The following MAST4 variants were observed in gnomAD, a reference collection of about 807,000 sequenced individuals.
MAST4 encodes the protein microtubule associated serine/threonine kinase family member 4, also known as microtubule-associated serine/threonine-protein kinase 4.
Under a neutral mutation model 162.7 loss-of-function variants are expected in MAST4, and 89 were observed. The observed-to-expected ratio is 0.55, with a 90% CI of 0.46 to 0.65. The LOEUF (loss-of-function observed/expected upper bound fraction) is 0.65. Among genes scored for constraint, MAST4 ranks in the 30% least tolerant of loss-of-function variants. The pLI, the probability that MAST4 is intolerant of heterozygous loss-of-function variation, is 0.00. For synonymous variants in MAST4, 1,479 were observed against 1,361.1 expected (o/e 1.09, Z -1.91); for missense variants, 3,153 against 3,374.0 (o/e 0.93, Z 1.62).
intron 2 of MAST4, among the ~76,000 whole-genome samples, chr5:66,784,642 T>C (rs1039823580): frequency 2.0e-5 from 3 of 152,206 alleles, no homozygotes; most frequent in African/African-American, 7.2e-5. Flanking sequence ...TGTTTCAATA[T>C]CTTTCAATAT....
chr5:66,618,255 G>T (rs1413197293), intron 1 of MAST4, among the ~76,000 whole-genome samples: 3 of 152,204 alleles, frequency 2.0e-5, no homozygotes, highest in African/African-American at 7.2e-5. Flanking sequence ...AAGTCTGAGG[G>T]TGCAGGGTAG....
intron 1 of MAST4, among the ~76,000 whole-genome samples, chr5:66,608,064 T>TG (rs1743011795): frequency 7.6e-6 from 1 of 131,886 alleles, no homozygotes; most frequent in Admixed American, 8.2e-5. Context: ...ACTTTTTTTT[T>TG]TTGTTTTTTT....
chr5:66,862,459 A>T (rs115881578), intron 3 of MAST4, among the ~76,000 whole-genome samples: 82 of 152,336 alleles, frequency 5.4e-4, no homozygotes, highest in Middle Eastern at 3.4e-3. Flanking sequence ...CTTATTGTCT[A>T]TGGTAAAATA....
At chr5:66,891,713 C>A (rs1762375570) in intron 3 of MAST4, among the ~76,000 whole-genome samples, 1 of 152,182 alleles carries the variant, frequency 6.6e-6, no homozygotes, top group Non-Finnish European at 1.5e-5. Flanking sequence ...TGGAATTCCC[C>A]TTTCTCACCT....
intron 4 of MAST4, among the ~76,000 whole-genome samples, chr5:66,914,139 C>T (rs78553850): frequency 7.0e-6 from 1 of 142,002 alleles, no homozygotes; most frequent in South Asian, 2.2e-4. Flanking sequence ...TCAGCTTCTA[C>T]AAAAAAAAAA....
At chr5:66,774,994 C>A (rs917562568) in intron 2 of MAST4, among the ~76,000 whole-genome samples, 13 of 102,218 alleles carry the variant, frequency 1.3e-4, no homozygotes, top group African/African-American at 4.6e-4. Flanking sequence ...ATATCCTTTT[C>A]CTGTGTGTGT....
intron 12 of MAST4, among the ~76,000 whole-genome samples, chr5:67,117,082 A>T (rs1767007593): frequency 6.6e-6 from 1 of 152,202 alleles, no homozygotes; most frequent in Non-Finnish European, 1.5e-5. Flanking sequence ...TGTTTTGAGG[A>T]TTCTATGTTT....
intron 1 of MAST4, among the ~76,000 whole-genome samples, chr5:66,624,817 A>C (rs1269911486): frequency 6.6e-6 from 1 of 152,254 alleles, no homozygotes; most frequent in Non-Finnish European, 1.5e-5. Context: ...GCAAAAGAAT[A>C]AAATTGGACG....
intron 3 of MAST4, among the ~76,000 whole-genome samples, chr5:66,838,489 C>G (rs1758188179): frequency 6.6e-6 from 1 of 152,148 alleles, no homozygotes; most frequent in Admixed American, 6.6e-5. Context: ...ATCTTAGACT[C>G]TAGCAGTACA....
At chr5:66,755,889 C>T (rs1437893011) in intron 1 of MAST4, among the ~76,000 whole-genome samples, 1 of 152,156 alleles carries the variant, frequency 6.6e-6, no homozygotes, top group African/African-American at 2.4e-5. Context: ...ACAATGTCAT[C>T]GTGGAGGATC....
At chr5:66,811,439 C>A (rs896793798) in intron 3 of MAST4, among the ~76,000 whole-genome samples, 8 of 152,164 alleles carry the variant, frequency 5.3e-5, no homozygotes, top group African/African-American at 1.7e-4. Flanking sequence ...AGAACTTTAA[C>A]TGAGAAAATG....
chr5:66,868,925 A>C (rs1479330568), intron 3 of MAST4, among the ~76,000 whole-genome samples: 1 of 152,156 alleles, frequency 6.6e-6, no homozygotes, highest in Admixed American at 6.5e-5. Context: ...TTCATGGTAC[A>C]ATTAGCTAAT....
At chr5:66,897,469 G>C (rs1762758165) in intron 3 of MAST4, among the ~76,000 whole-genome samples, 2 of 152,228 alleles carry the variant, frequency 1.3e-5, no homozygotes, top group South Asian at 4.1e-4. Flanking sequence ...TCCCCGCGCA[G>C]GCTGCAACCG....
At chr5:67,088,549 C>T (rs1038194470) in intron 5 of MAST4, among the ~76,000 whole-genome samples, 1 of 152,090 alleles carries the variant, frequency 6.6e-6, no homozygotes, top group Admixed American at 6.5e-5. Flanking sequence ...GAGAAGTATA[C>T]AAGCTAAATT....
intron 4 of MAST4, among the ~76,000 whole-genome samples, chr5:67,005,861 T>C (rs942763455): frequency 6.6e-6 from 1 of 152,230 alleles, no homozygotes; most frequent in Admixed American, 6.5e-5. Context: ...TGAGTTGTGT[T>C]AATACTGATT....
intron 4 of MAST4, among the ~76,000 whole-genome samples, chr5:67,030,549 G>A (rs1212179944): frequency 6.6e-6 from 1 of 152,088 alleles, no homozygotes; most frequent in Non-Finnish European, 1.5e-5. Flanking sequence ...TCCAGAGCAG[G>A]CCTGGGGCAA....
chr5:66,661,429 C>G (rs1746902628), intron 1 of MAST4, among the ~76,000 whole-genome samples: 1 of 152,202 alleles, frequency 6.6e-6, no homozygotes, highest in Non-Finnish European at 1.5e-5. Context: ...ATTCCTGTCA[C>G]TGGCCAGAAC....
At chr5:66,896,530 A>G (rs1387761515) in intron 3 of MAST4, among the ~76,000 whole-genome samples, 5 of 152,184 alleles carry the variant, frequency 3.3e-5, no homozygotes, top group African/African-American at 1.2e-4. Flanking sequence ...ATCTACATGT[A>G]TTATTTGGGC....
intron 1 of MAST4, among the ~76,000 whole-genome samples, chr5:66,653,546 C>T (rs181277138): frequency 3.3e-5 from 5 of 152,292 alleles, no homozygotes; most frequent in Non-Finnish European, 7.4e-5. Flanking sequence ...TAATCTGGCC[C>T]TTCATAATCT....
Sources: gnomAD v4.1 joint callset for allele counts (sites outside exome capture counted in the v4.1 genomes callset) on GRCh38, gnomAD v4.1.1 for gene constraint, MANE v1.5 for transcripts, NCBI Gene and HGNC (gene_info 2026-07-23, HGNC 2026-07-21) for gene names.